Variants in XKR4 observed in about 807,000 individuals in gnomAD.
XKR4 encodes the protein XK-related protein 4.
In XKR4, 12 loss-of-function variants were observed where a neutral mutation model predicts 53.9. The ratio of observed to expected loss-of-function variants is 0.22; its 90% CI spans 0.14 to 0.36. The LOEUF is 0.36. Among genes scored for constraint, XKR4 ranks in the 10% least tolerant of loss-of-function variants. The probability of loss-of-function intolerance (pLI) is 1.00; values close to 1 mark genes in which losing one functional copy is unlikely to be tolerated. For missense variants in XKR4, 799 were observed against 859.5 expected, an observed-to-expected ratio of 0.93 and a Z score of 0.88; for synonymous variants, 354 against 362.4, an observed-to-expected ratio of 0.98 and a Z score of 0.26.
At chr8:55,198,617 T>TAGAAAATTATAGTAA (rs1253116145) in intron 1 of XKR4, among the ~76,000 whole-genome samples, 1 of 152,152 alleles carries the variant, frequency 6.6e-6, no homozygotes, top group East Asian at 1.9e-4. Context: ...TGTCATCAGT[T>TAGAAAATTATAGTAA]AGAAAATTAT....
chr8:55,457,011 A>C (rs1450420422), intron 2 of XKR4, among the ~76,000 whole-genome samples: 1 of 72,146 alleles, frequency 1.4e-5, no homozygotes, highest in African/African-American at 9.0e-5. Context: ...TACAAAGAGA[A>C]AATCTTGAAA....
intron 1 of XKR4, among the ~76,000 whole-genome samples, chr8:55,114,545 A>G (rs929644336): frequency 2.6e-5 from 4 of 152,236 alleles, no homozygotes; most frequent in African/African-American, 9.6e-5. Context: ...GAATCCAAGC[A>G]AAGGCCAGAA....
At chr8:55,454,145 G>T in intron 2 of XKR4, 1 of 907,346 alleles carries the variant, frequency 1.1e-6, no homozygotes, top group Non-Finnish European at 1.8e-6. Context: ...CTCCAGCTCC[G>T]GGTCCAGGAC....
intron 2 of XKR4, among the ~76,000 whole-genome samples, chr8:55,476,954 C>T (rs1330178665): frequency 6.6e-6 from 1 of 152,154 alleles, no homozygotes; most frequent in Non-Finnish European, 1.5e-5. Flanking sequence ...TCTGTAGAGT[C>T]CACCTCTGGG....
intron 2 of XKR4, among the ~76,000 whole-genome samples, chr8:55,462,045 ACT>A: frequency 6.6e-6 from 1 of 152,224 alleles, no homozygotes. Flanking sequence ...GTTGGAAAAC[ACT>A]CTGCAGAATA....
intron 2 of XKR4, among the ~76,000 whole-genome samples, chr8:55,369,424 A>AGGAAG (rs1294734054): frequency 1.2e-4 from 7 of 58,676 alleles, no homozygotes; most frequent in Non-Finnish European, 1.9e-4. Flanking sequence ...GGGAAGGGAA[A>AGGAAG]GGAAGGGAAG....
intron 1 of XKR4, among the ~76,000 whole-genome samples, chr8:55,108,224 A>G (rs1816179788): frequency 6.6e-6 from 1 of 152,172 alleles, no homozygotes; most frequent in Non-Finnish European, 1.5e-5. Context: ...AGGCAGGTTA[A>G]GTGCATGCTC....
chr8:55,203,203 G>A (rs548867111), intron 1 of XKR4, among the ~76,000 whole-genome samples: 3 of 152,336 alleles, frequency 2.0e-5, no homozygotes, highest in South Asian at 4.1e-4. Flanking sequence ...CGCCAAGCAC[G>A]GCGCCTGTAA....
chr8:55,501,981 T>A (rs1340154438), intron 2 of XKR4, among the ~76,000 whole-genome samples: 2 of 152,264 alleles, frequency 1.3e-5, no homozygotes, highest in East Asian at 3.9e-4. Flanking sequence ...CTCTAAGTCA[T>A]CTTTAAATTA....
chr8:55,130,612 T>C (rs1816539874), intron 1 of XKR4, among the ~76,000 whole-genome samples: 1 of 152,232 alleles, frequency 6.6e-6, no homozygotes, highest in Non-Finnish European at 1.5e-5. Flanking sequence ...CAGTTTGCAA[T>C]GTCTGTGCAC....
intron 1 of XKR4, among the ~76,000 whole-genome samples, chr8:55,127,074 G>A (rs1250969217): frequency 6.6e-6 from 1 of 152,084 alleles, no homozygotes; most frequent in East Asian, 1.9e-4. Flanking sequence ...TGGGTTGCAT[G>A]GAGTACTGTG....
Position 55,523,746 on chromosome 8 carries a change from C to A in XKR4, c.1472C>A (p.Ala491Glu), listed in dbSNP as rs1022997330. The A allele has an allele frequency of 6.2e-7, 1 of 1,614,184 alleles. No homozygotes were observed. The highest frequency in any genetic ancestry group is 2.2e-5 in the East Asian group (1 of 44,886). Reference protein sequence around the residue: ...PQIADAFAIPALCVVFSSFLT... With the variant: ...PQIADAFAIPELCVVFSSFLT... The stretch of plus-strand genomic sequence containing the variant: ...ATTGCAGACGCATTTGCCATTCCAG[C>A]GCTGTGTGTGGTGTTCAGCAGCTTT... The change falls in exon 3 of 3, where the codon GCG (alanine) becomes GAG (glutamate). Residue 491 changes from alanine to glutamate, a missense_variant. By Grantham distance (107) the Ala-to-Glu change is moderately radical (BLOSUM62 -1). Transcript: ENST00000327381.
intron 2 of XKR4, among the ~76,000 whole-genome samples, chr8:55,440,367 T>A (rs912745767): frequency 1.3e-5 from 2 of 152,152 alleles, no homozygotes; most frequent in Non-Finnish European, 2.9e-5. Flanking sequence ...AAAACAATTT[T>A]AAAAAGTCTA....
intron 2 of XKR4, chr8:55,454,294 G>A: frequency 7.0e-7 from 1 of 1,429,070 alleles, no homozygotes; most frequent in Non-Finnish European, 9.8e-7. Flanking sequence ...CTGCCTGGAA[G>A]GCCGCATTGA....
In XKR4 at chr8:55,209,467, G is replaced by C. The variant is rs16921403; in HGVS notation, c.806+106173G>C. ...GCCCGTGCGCTTAATTCCACGCTGT[G>C]CATCCTCCACCTGATTTTATTAAGA... On this transcript the variant is annotated intron_variant, in intron 1 of 2. Transcript: ENST00000327381. 8.3e-3 allele frequency among the ~76,000 whole-genome samples: 1,264 copies of C among 152,284 alleles called. 23 individuals are homozygous for C. Among genetic ancestry groups the C allele is most frequent in the African/African-American group, 0.027 (1,109 of 41,548 alleles).
chr8:55,187,778 AT>A (rs1817399093), intron 1 of XKR4, among the ~76,000 whole-genome samples: 1 of 152,218 alleles, frequency 6.6e-6, no homozygotes, highest in Non-Finnish European at 1.5e-5. Context: ...AGAAATTGAG[AT>A]AAGACAAGAT....
At position 55,480,166 on chromosome 8, in the gene XKR4, A is replaced by G. The variant is rs185477888; in HGVS notation, c.1007-43115A>G. 2.8e-3 allele frequency among the ~76,000 whole-genome samples: 419 copies of G among 152,342 alleles called. 2 individuals carry two copies. The highest frequency in any genetic ancestry group is 9.6e-3 in the African/African-American group (397 of 41,568). The stretch of plus-strand genomic sequence containing the variant: ...AAAAATCCTCAATAAAATACTGGCA[A>G]ACCGAATCCAGCAGCACATCAAAAA... On this transcript the variant is annotated intron_variant, in intron 2 of 2. Transcript: ENST00000327381.
At chr8:55,203,931 C>G (rs1817609485) in intron 1 of XKR4, among the ~76,000 whole-genome samples, 1 of 152,180 alleles carries the variant, frequency 6.6e-6, no homozygotes. Context: ...CCTCACCTTT[C>G]TGGAGCCTTT....
intron 1 of XKR4, among the ~76,000 whole-genome samples, chr8:55,295,717 G>A (rs1458708923): frequency 6.6e-6 from 1 of 152,120 alleles, no homozygotes; most frequent in Non-Finnish European, 1.5e-5. Context: ...TTTTTGGCTA[G>A]GACTGTGTCT....
Sources: allele counts gnomAD v4.1 joint callset (sites outside exome capture counted in the v4.1 genomes callset), GRCh38; gene constraint gnomAD v4.1.1; transcripts MANE v1.5; gene names NCBI Gene and HGNC (gene_info 2026-07-23, HGNC 2026-07-21).